XKR9: variants seen among roughly 807,000 people sequenced by gnomAD.
XKR9 encodes XK related 9, also known as XK-related protein 9.
XKR9 carries 32 observed loss-of-function variants against 32.0 expected under a neutral mutation model. The observed-to-expected ratio is 1.00, with a 90% CI of 0.76 to 1.34. The LOEUF is 1.34. Ranked by LOEUF, XKR9 falls within the 40% of genes most tolerant of loss-of-function variation. The probability of loss-of-function intolerance (pLI) is 0.00; values close to 1 mark genes in which losing one functional copy is unlikely to be tolerated. For missense variants in XKR9, 546 were observed against 429.7 expected (o/e 1.27, Z -2.39); for synonymous variants, 168 against 143.4 (o/e 1.17, Z -1.22).
the XKR9 span, among the ~76,000 whole-genome samples, chr8:70,857,406 C>A: frequency 6.6e-6 from 1 of 152,188 alleles, no homozygotes; most frequent in Non-Finnish European, 1.5e-5. Context: ...CACATACACC[C>A]TCCCAAGACT....
chr8:70,804,286 G>T, the XKR9 span, among the ~76,000 whole-genome samples: 1 of 152,254 alleles, frequency 6.6e-6, no homozygotes, highest in Non-Finnish European at 1.5e-5. Context: ...ATAACAGGAG[G>T]CTACGCCCTT....
rs28717686 is a variant in XKR9, at chr8:70,742,311, G to A, written n.352+35158G>A. Among the ~76,000 whole-genome samples the A allele has an allele frequency of 6.1e-3, 926 of 152,270 alleles. 10 individuals are homozygous for A. Among genetic ancestry groups the A allele is most frequent in the African/African-American group, 0.021 (883 of 41,548 alleles). ...GTAGGAAATCTTCGGTTTACCTTGG[G>A]CACATGATTCTTGTATAATTACATA... On this transcript the variant is annotated intron_variant and non_coding_transcript_variant, in intron 2 of 3. Coordinates refer to the XKR9 transcript ENST00000520273.
downstream of XKR9, chr8:70,735,978 C>T (rs1174929258): frequency 1.3e-5 from 2 of 152,054 alleles, no homozygotes; most frequent in Non-Finnish European, 1.5e-5. Flanking sequence ...GGTATATACC[C>T]AGTAATGGGA....
chr8:70,966,330 C>T, the XKR9 span, among the ~76,000 whole-genome samples: 1 of 152,102 alleles, frequency 6.6e-6, no homozygotes, highest in African/African-American at 2.4e-5. Flanking sequence ...CTCACTACAA[C>T]TTCTGCGTCC....
chr8:70,746,517 G>A (rs183839894), intron 2 of XKR9, among the ~76,000 whole-genome samples: 1 of 149,824 alleles, frequency 6.7e-6, no homozygotes, highest in Admixed American at 6.7e-5. Flanking sequence ...CAGAGTATAG[G>A]GAATTTGCAG....
At chr8:70,695,867 A>G (rs1429611564) in intron 3 of XKR9, among the ~76,000 whole-genome samples, 1 of 150,040 alleles carries the variant, frequency 6.7e-6, no homozygotes, top group Non-Finnish European at 1.5e-5. Flanking sequence ...AATGATTGCC[A>G]TTCTAACTGG....
chr8:70,810,319 A>C, the XKR9 span, among the ~76,000 whole-genome samples: 12 of 152,194 alleles, frequency 7.9e-5, no homozygotes, highest in African/African-American at 2.4e-4. Flanking sequence ...ACAACCGGTA[A>C]CAGCCACTGC....
the XKR9 span, among the ~76,000 whole-genome samples, chr8:71,051,194 G>A: frequency 6.6e-6 from 1 of 152,162 alleles, no homozygotes; most frequent in Admixed American, 6.5e-5. Context: ...ACTGTGTCAT[G>A]TTAAGGTTAT....
At chr8:71,051,132 G>A in the XKR9 span, among the ~76,000 whole-genome samples, 1 of 151,984 alleles carries the variant, frequency 6.6e-6, no homozygotes, top group African/African-American at 2.4e-5. Context: ...AGGTCAACAG[G>A]TCAGTATACT....
At chr8:70,908,685 T>C in the XKR9 span, among the ~76,000 whole-genome samples, 1 of 152,236 alleles carries the variant, frequency 6.6e-6, no homozygotes, top group Non-Finnish European at 1.5e-5. Context: ...TGTGGCTGTG[T>C]TCCAATTAAA....
chr8:70,697,417 C>CCTTTTCTG (rs1344999937), intron 3 of XKR9, among the ~76,000 whole-genome samples: 1 of 151,254 alleles, frequency 6.6e-6, no homozygotes, highest in Non-Finnish European at 1.5e-5. Context: ...TTGTCAAAGG[C>CCTTTTCTG]CTTTTCTGCA....
the XKR9 span, among the ~76,000 whole-genome samples, chr8:71,044,222 T>C: frequency 3.9e-5 from 6 of 152,160 alleles, no homozygotes; most frequent in South Asian, 4.1e-4. Context: ...TTACAGAAAA[T>C]ATGTTAAATC....
the XKR9 span, among the ~76,000 whole-genome samples, chr8:70,899,109 G>T: frequency 6.6e-6 from 1 of 151,976 alleles, no homozygotes; most frequent in Non-Finnish European, 1.5e-5. Context: ...TAGTGATGGG[G>T]TCTCACTATG....
At position 70,734,558 on chromosome 8, in the gene XKR9, C is replaced by T. The variant is rs1192725436; in HGVS notation, c.*134C>T. 23 of 1,148,054 alleles carry T rather than the reference C, an allele frequency of 2.0e-5. No individual in the cohort carries two copies. The highest frequency in any genetic ancestry group is 2.6e-5 in the Non-Finnish European group (23 of 888,868). 71.1% of individuals were successfully genotyped at this position (1,148,054 alleles called of 1,614,324 possible). A position where few individuals can be genotyped will look rare whatever the true frequency, so the allele number is the denominator to read the frequency against. On this transcript the variant is annotated 3_prime_UTR_variant, in exon 5 of 5. Coordinates refer to ENST00000408926, the MANE Select transcript of XKR9 (RefSeq NM_001011720.2). ...AATTAGTTCAGTGAAATAGGAGATA[C>T]ATAGTAGTATTTTATTTTTAAAATT...
chr8:70,740,350 A>G (rs1046921787), downstream of XKR9, among the ~76,000 whole-genome samples: 3 of 151,920 alleles, frequency 2.0e-5, no homozygotes, highest in Non-Finnish European at 2.9e-5. Flanking sequence ...TGTATTGGTT[A>G]TTCTAGTTAT....
chr8:70,853,470 A>G, the XKR9 span, among the ~76,000 whole-genome samples: 57 of 152,068 alleles, frequency 3.7e-4, no homozygotes, highest in African/African-American at 1.3e-3. Context: ...ACATCTATAC[A>G]TCTACCTATA....
chr8:70,762,746 G>A (rs1408146263), intron 2 of XKR9, among the ~76,000 whole-genome samples: 2 of 152,126 alleles, frequency 1.3e-5, no homozygotes, highest in South Asian at 2.1e-4. Flanking sequence ...TGCAGTGCTA[G>A]CCACTGATGT....
At chr8:70,804,477 G>T in the XKR9 span, among the ~76,000 whole-genome samples, 4 of 152,162 alleles carry the variant, frequency 2.6e-5, no homozygotes, top group African/African-American at 9.7e-5. Context: ...AAAGTGGGAT[G>T]ATCACTAAAT....
the XKR9 span, among the ~76,000 whole-genome samples, chr8:70,838,977 C>T: frequency 6.6e-6 from 1 of 151,038 alleles, no homozygotes; most frequent in African/African-American, 2.5e-5. Flanking sequence ...ATCACTTTTT[C>T]AGCTCTCTAA....
Sources: gnomAD v4.1 joint callset for allele counts (sites outside exome capture counted in the v4.1 genomes callset) on GRCh38, gnomAD v4.1.1 for gene constraint, MANE v1.5 for transcripts, NCBI Gene and HGNC (gene_info 2026-07-23, HGNC 2026-07-21) for gene names.